Variants in ITGAX observed in about 807,000 individuals in gnomAD.
ITGAX encodes the protein integrin subunit alpha X, also known as integrin alpha-X.
In ITGAX, 99 loss-of-function variants were observed where a neutral mutation model predicts 140.2. That is an observed-to-expected ratio of 0.71 (90% CI 0.60 to 0.83). The LOEUF (loss-of-function observed/expected upper bound fraction) is 0.83. Among genes scored for constraint, ITGAX ranks in the 40% least tolerant of loss-of-function variants. ITGAX has a pLI of 0.00. For missense variants in ITGAX, 1,444 were observed against 1,482.0 expected, an observed-to-expected ratio of 0.97 and a Z score of 0.42; for synonymous variants, 631 against 600.4, an observed-to-expected ratio of 1.05 and a Z score of -0.75.
chr16:31,371,617 C>A lies in ITGAX; in HGVS notation c.2006-13C>A, dbSNP rs755630787. On this transcript the variant is annotated splice_polypyrimidine_tract_variant and intron_variant, in intron 16 of 29. Transcript: ENST00000268296. ...AGTTCCTGTCTCAACGCCGTCCCTG[C>A]GACCGCCTACAGGTGACCTCCAAAG... The A allele has an allele frequency of 3.7e-6, 6 of 1,613,570 alleles. No homozygotes were observed. The highest frequency in any genetic ancestry group is 2.2e-5 in the East Asian group (1 of 44,878).
intron 20 of ITGAX, among the ~76,000 whole-genome samples, chr16:31,374,256 T>G (rs1345009345): frequency 6.6e-6 from 1 of 151,482 alleles, no homozygotes; most frequent in East Asian, 1.9e-4. Flanking sequence ...GCCACTGCAC[T>G]CCAGCCTGCA....
intron 14 of ITGAX, among the ~76,000 whole-genome samples, chr16:31,364,839 C>G (rs2080875469): frequency 7.6e-6 from 1 of 131,098 alleles, no homozygotes; most frequent in African/African-American, 2.8e-5. Context: ...GAAACCCCAT[C>G]TCTACTAAAA....
rs756106658 is a variant in ITGAX, at chr16:31,371,352, G to C, written c.1860G>C (p.Trp620Cys). ...CCCGCAGGACCAGACCTGTGCTCTGGGTGGGGGTGAGCATGCAGTTCATAC... is the reference window on the plus strand; with the variant it reads ...CCCGCAGGACCAGACCTGTGCTCTGCGTGGGGGTGAGCATGCAGTTCATAC... ...VLLLRTRPVL[W>C]VGVSMQFIPA... Residue 620 changes from tryptophan to cysteine, a missense_variant, in exon 16 of 30, where the codon TGG becomes TGC. Physicochemically the swap from Trp to Cys is radical, Grantham distance 215 (BLOSUM62 -2). Coordinates refer to ENST00000268296, the MANE Select transcript of ITGAX (RefSeq NM_000887.5). The C allele has an allele frequency of 6.2e-7, 1 of 1,614,186 alleles. No individual in the cohort carries two copies. The highest frequency in any genetic ancestry group is 1.1e-5 in the South Asian group (1 of 91,090).
rs369477630 is a variant in ITGAX at position 31,377,173 on chromosome 16, T to C, written c.2706-9T>C. ...GCCTCTGGCAACTGAGTCTCTCCTC[T>C]TTCTCCAGTGAGAACAACACTCCCA... On this transcript the variant is annotated splice_polypyrimidine_tract_variant and intron_variant, in intron 22 of 29. Coordinates refer to ENST00000268296, the MANE Select transcript of ITGAX (RefSeq NM_000887.5). The C allele has an allele frequency of 3.9e-5, 63 of 1,613,700 alleles. No individual in the cohort carries two copies. Among genetic ancestry groups the C allele is most frequent in the Non-Finnish European group, 5.0e-5 (59 of 1,179,780 alleles).
At chr16:31,356,197 C>T in intron 2 of ITGAX, 199 bp downstream of exon 2, 1 of 534,788 alleles carries the variant, frequency 1.9e-6, no homozygotes, top group Non-Finnish European at 3.3e-6. Flanking sequence ...CAGTGCCAGG[C>T]TCATCACAGG....
At position 31,371,101 on chromosome 16, in the gene ITGAX, G is replaced by T. The variant is rs1217301789; in HGVS notation, c.1728G>T (p.Gln576His). 1 of 1,613,908 alleles carries T rather than the reference G, an allele frequency of 6.2e-7. No homozygotes were observed. Among genetic ancestry groups the T allele is most frequent in the African/African-American group, 1.3e-5 (1 of 74,904 alleles). The part of the protein sequence containing the change: ...PSHSQRIAGS[Q>H]LSSRLQYFGQ... ...CTGGCCAGCGGATCGCGGGCTCCCA[G>T]CTCTCCTCCAGGCTGCAGTATTTTG... is the stretch of plus-strand genomic sequence containing the variant. The change falls in exon 15 of 30, where the codon CAG (glutamine) becomes CAT (histidine). Residue 576 changes from glutamine to histidine, a missense_variant. Transcript: ENST00000268296.
In ITGAX at chr16:31,360,400, C is replaced by T. The variant is rs957321618; in HGVS notation, c.798C>T (p.Ser266=). The change falls in exon 8 of 30, where the codon AGC becomes AGT. Residue 266 remains serine (S), a synonymous_variant. Transcript: ENST00000268296. Reference sequence around the variant, plus strand: ...CTGATGGGAAGAAAGAAGGCGACAGCCTGGATTATAAGGATGTCATCCCCA... The same window carrying T: ...CTGATGGGAAGAAAGAAGGCGACAGTCTGGATTATAAGGATGTCATCCCCA... ...VITDGKKEGD[S]LDYKDVIPMA... is the part of the protein sequence containing the mutation. 1.2e-5 allele frequency: 19 copies of T among 1,613,938 alleles called. No homozygotes were observed. Among genetic ancestry groups the T allele is most frequent in the Admixed American group, 3.3e-5 (2 of 59,994 alleles).
intron 14 of ITGAX, among the ~76,000 whole-genome samples, chr16:31,368,816 A>C (rs1361430958): frequency 6.6e-6 from 1 of 151,338 alleles, no homozygotes; most frequent in Non-Finnish European, 1.5e-5. Context: ...ACTCTTAACG[A>C]GCATGCTGCC....
chr16:31,379,418 C>G lies in ITGAX; in HGVS notation c.2790-150C>G, dbSNP rs1323254878. 37 of 745,112 alleles carry G rather than the reference C, an allele frequency of 5.0e-5. No homozygotes were observed. The East Asian group carries it at 9.5e-4, about 19-fold the overall frequency. The allele number at this position is 745,112 out of a possible 1,614,324, so 46.2% of individuals were successfully genotyped here. On this transcript the variant is annotated intron_variant, in intron 23 of 29. Transcript: ENST00000268296. ...AGGCCTGAGCCACCGCGCCTGGCCT[C>G]TAAACTCTCTTATAACCTAACTCAG...
At position 31,359,718 on chromosome 16, in the gene ITGAX, A is replaced by T. The variant is rs1219106055; in HGVS notation, c.449A>T (p.Gln150Leu). ...TCCCCAGAGTGCCCAAGACAGGAGC[A>T]GGACATTGTGTTCCTGATCGATGGC... ...VSRQECPRQE[Q>L]DIVFLIDGSG... The change falls in exon 6 of 30, where the codon CAG becomes CTG. Residue 150 changes from glutamine to leucine, a missense_variant. Physicochemically the swap from Gln to Leu is moderately radical, Grantham distance 113. Coordinates refer to ENST00000268296, the MANE Select transcript of ITGAX (RefSeq NM_000887.5). 6.2e-7 allele frequency: 1 copy of T among 1,614,188 alleles called. No individual in the cohort carries two copies. Among genetic ancestry groups the T allele is most frequent in the East Asian group, 2.2e-5 (1 of 44,888 alleles).
chr16:31,373,032 G>T (rs997287610), intron 19 of ITGAX, among the ~76,000 whole-genome samples: 1 of 152,048 alleles, frequency 6.6e-6, no homozygotes, highest in African/African-American at 2.4e-5. Context: ...GTTGGAGGCT[G>T]CAGTGAGCCA....
intron 20 of ITGAX, 136 bp downstream of exon 20, chr16:31,373,526 T>A (rs1221934105): frequency 2.7e-5 from 23 of 843,836 alleles, no homozygotes; most frequent in Non-Finnish European, 3.7e-5. Flanking sequence ...TGTTCAACTT[T>A]GGGCATCGCA....
chr16:31,359,539 C>T (rs1026179134), intron 5 of ITGAX, among the ~76,000 whole-genome samples, 161 bp from the exon 6 acceptor site: 1 of 152,188 alleles, frequency 6.6e-6, no homozygotes, highest in Non-Finnish European at 1.5e-5. Context: ...AGCTCTGCCC[C>T]TGATGAGGAG....
Position 31,380,290 on chromosome 16 carries a change from C to A in ITGAX, c.3085C>A (p.Arg1029=). The change falls in exon 27 of 30, where the codon CGG becomes AGG. Residue 1029 remains arginine, a synonymous_variant. Transcript: ENST00000268296. ...GGACTGCTCCATTGCTGGCTGCCTG[C>A]GGTTCCGCTGTGACGTCCCCTCCTT... is the stretch of plus-strand genomic sequence containing the variant. ...VLDCSIAGCL[R]FRCDVPSFSV... The A allele has an allele frequency of 6.2e-7, 1 of 1,614,144 alleles. No individual in the cohort carries two copies. The highest frequency in any genetic ancestry group is 8.5e-7 in the Non-Finnish European group (1 of 1,179,984).
chr16:31,380,764 G>A (rs963357058), intron 28 of ITGAX, 133 bp from the exon 29 acceptor site: 18 of 1,266,474 alleles, frequency 1.4e-5, no homozygotes, highest in African/African-American at 2.9e-5. Flanking sequence ...CTAAGGGCAC[G>A]GGTGCTGCTG....
At chr16:31,380,438 G>A in intron 27 of ITGAX, 59 bp downstream of exon 27, 1 of 1,610,026 alleles carries the variant, frequency 6.2e-7, no homozygotes, top group African/African-American at 1.3e-5. Context: ...TGGCATGTCT[G>A]TGCCCATCTG....
At position 31,379,773 on chromosome 16, in the gene ITGAX, A is replaced by C. The variant is rs761679275; in HGVS notation, c.2885A>C (p.Gln962Pro). 1 of 1,614,058 alleles carries C rather than the reference A, an allele frequency of 6.2e-7. No individual in the cohort carries two copies. The highest frequency in any genetic ancestry group is 8.5e-7 in the Non-Finnish European group (1 of 1,179,982). ...MHRYQVNNLG[Q>P]RDLPVSINFW... ...TCTGTGCAGGTCAATAACCTGGGACAGAGGGACCTGCCTGTCAGCATCAAC... is the reference window on the plus strand; with the variant it reads ...TCTGTGCAGGTCAATAACCTGGGACCGAGGGACCTGCCTGTCAGCATCAAC... Residue 962 changes from glutamine to proline, a missense_variant, in exon 25 of 30, where the codon CAG (glutamine) becomes CCG (proline). Physicochemically the swap from Gln to Pro is moderately conservative, Grantham distance 76 (BLOSUM62 -1). Coordinates refer to ENST00000268296, the MANE Select transcript of ITGAX (RefSeq NM_000887.5).
chr16:31,378,193 A>T (rs2081037219), intron 23 of ITGAX, among the ~76,000 whole-genome samples: 1 of 152,210 alleles, frequency 6.6e-6, no homozygotes, highest in Admixed American at 6.5e-5. Flanking sequence ...GAAATGGGAA[A>T]AAAGGGCCCC....
At position 31,382,300 on chromosome 16, in the gene ITGAX, C is replaced by T. The variant is rs9929855; in HGVS notation, c.*393C>T. On this transcript the variant is annotated 3_prime_UTR_variant, in exon 30 of 30. Transcript: ENST00000268296. ...TCGCTCTGTCACCCAGGCTGGAGTG[C>T]AATGGCGTGATCTCGGCTCACTGCA... is the stretch of plus-strand genomic sequence containing the variant. 12,508 of 1,078,242 alleles carry T rather than the reference C, an allele frequency of 0.012. 989 individuals carry two copies. The African/African-American group carries it at 0.18, about 16-fold the overall frequency. 66.8% of individuals were successfully genotyped at this position (1,078,242 alleles called of 1,614,324 possible).
Sources: gnomAD v4.1 joint callset for allele counts (sites outside exome capture counted in the v4.1 genomes callset) on GRCh38, gnomAD v4.1.1 for gene constraint, MANE v1.5 for transcripts, NCBI Gene and HGNC (gene_info 2026-07-23, HGNC 2026-07-21) for gene names.